Variants in PRKD1 observed in about 807,000 individuals in gnomAD.
PRKD1 encodes serine/threonine-protein kinase D1.
Under a neutral mutation model 95.9 loss-of-function variants are expected in PRKD1, and 63 were observed. The observed-to-expected ratio is 0.66, with a 90% CI of 0.54 to 0.81. The LOEUF (loss-of-function observed/expected upper bound fraction) is 0.81, where lower values mean the gene tolerates loss of function less well. Among genes scored for constraint, PRKD1 ranks in the 30% least tolerant of loss-of-function variants. PRKD1 has a pLI of 0.00. For synonymous variants in PRKD1, 425 were observed against 423.1 expected (o/e 1.00, Z -0.05); for missense variants, 1,048 against 1,165.3 (o/e 0.90, Z 1.47).
At chr14:29,718,215 A>G (rs1885720854) in intron 2 of PRKD1, among the ~76,000 whole-genome samples, 1 of 152,124 alleles carries the variant, frequency 6.6e-6, no homozygotes, top group Non-Finnish European at 1.5e-5. Flanking sequence ...GAGGCAGGGA[A>G]GTGGTTAAAT....
chr14:29,670,326 C>A (rs1395285831), intron 2 of PRKD1, among the ~76,000 whole-genome samples: 1 of 152,050 alleles, frequency 6.6e-6, no homozygotes, highest in African/African-American at 2.4e-5. Context: ...AGGGATGGAA[C>A]AGAAGACAAA....
At chr14:29,656,353 C>T (rs1881836249) in intron 4 of PRKD1, 1 of 1,092,022 alleles carries the variant, frequency 9.2e-7, no homozygotes, top group Non-Finnish European at 1.3e-6. Flanking sequence ...GAATTTTGAG[C>T]TAAACTCTGA....
At chr14:29,719,380 CA>C (rs1376609219) in intron 2 of PRKD1, among the ~76,000 whole-genome samples, 13 of 152,266 alleles carry the variant, frequency 8.5e-5, no homozygotes, top group African/African-American at 2.4e-4. Context: ...TGGTCTATGA[CA>C]AACATCATCT....
At chr14:29,823,156 C>T (rs1890982443) in intron 1 of PRKD1, among the ~76,000 whole-genome samples, 1 of 152,038 alleles carries the variant, frequency 6.6e-6, no homozygotes. Context: ...CACTGAGTAC[C>T]CATAGGCACT....
At position 29,836,596 on chromosome 14, in the gene PRKD1, G is replaced by A. The variant is rs867737999; in HGVS notation, c.264+90653C>T. Among the ~76,000 whole-genome samples, 4 of 152,286 alleles carry A rather than the reference G, an allele frequency of 2.6e-5. 1 individual carries two copies. The Middle Eastern group carries it at 0.01, about 388-fold the overall frequency. On this transcript the variant is annotated intron_variant, in intron 1 of 17. Coordinates refer to ENST00000331968, the MANE Select transcript of PRKD1 (RefSeq NM_002742.3). ...GAGTAGTTCGTGTGAGTAGGCAGTG[G>A]GAACTACAACTGCTGAGAAACTGCA...
chr14:29,650,044 G>T (rs8011327), intron 4 of PRKD1, among the ~76,000 whole-genome samples: 3,325 of 152,168 alleles, frequency 0.022, 108 homozygotes, highest in African/African-American at 0.071. Flanking sequence ...GGTTGGGGTA[G>T]CGAGCCACTC....
At chr14:29,693,928 T>C (rs946587322) in intron 2 of PRKD1, among the ~76,000 whole-genome samples, 2 of 152,186 alleles carry the variant, frequency 1.3e-5, no homozygotes, top group Non-Finnish European at 2.9e-5. Context: ...ATCCGCCTCC[T>C]ACTGGTCTTA....
intron 1 of PRKD1, among the ~76,000 whole-genome samples, chr14:29,731,021 A>G (rs1482377506): frequency 6.6e-6 from 1 of 152,170 alleles, no homozygotes; most frequent in Admixed American, 6.5e-5. Context: ...TACCACAAAA[A>G]AAAGGTAAGT....
chr14:29,689,065 C>T (rs191185410), intron 2 of PRKD1, among the ~76,000 whole-genome samples: 9 of 149,300 alleles, frequency 6.0e-5, no homozygotes, highest in South Asian at 4.2e-4. Flanking sequence ...AAAGATTTTA[C>T]AATGAAAATG....
chr14:29,603,452 C>T (rs1017091580), intron 13 of PRKD1, among the ~76,000 whole-genome samples: 56 of 152,116 alleles, frequency 3.7e-4, no homozygotes, highest in Non-Finnish European at 1.8e-4. Flanking sequence ...ACTTCTTATA[C>T]TGCACTGATA....
chr14:29,626,418 A>G (rs1879624653), intron 12 of PRKD1, 66 bp downstream of exon 12: 9 of 1,260,654 alleles, frequency 7.1e-6, no homozygotes, highest in Non-Finnish European at 1.0e-5. Context: ...TCCTGTAAAT[A>G]TCGCTTTTTA....
At chr14:29,756,152 G>A (rs528277828) in intron 1 of PRKD1, among the ~76,000 whole-genome samples, 1 of 152,200 alleles carries the variant, frequency 6.6e-6, no homozygotes, top group South Asian at 2.1e-4. Context: ...TGAGTTTCCA[G>A]AACATATGAT....
intron 16 of PRKD1, chr14:29,591,017 TCCGCC>T (rs993382790): frequency 2.0e-4 from 30 of 152,378 alleles, no homozygotes; most frequent in African/African-American, 7.2e-4. Context: ...CCTCAGGTGA[TCCGCC>T]CACCTTGGCC....
intron 1 of PRKD1, among the ~76,000 whole-genome samples, chr14:29,757,880 G>A (rs1887784820): frequency 6.6e-6 from 1 of 151,980 alleles, no homozygotes; most frequent in Non-Finnish European, 1.5e-5. Flanking sequence ...ATTTGATATG[G>A]AGGGTGTAAT....
intron 2 of PRKD1, among the ~76,000 whole-genome samples, chr14:29,718,999 A>G (rs1468972001): frequency 6.6e-6 from 1 of 151,980 alleles, no homozygotes; most frequent in African/African-American, 2.4e-5. Context: ...AAGACAAATT[A>G]ATATAATATT....
intron 2 of PRKD1, among the ~76,000 whole-genome samples, chr14:29,722,524 C>A (rs981512065): frequency 6.6e-6 from 1 of 152,134 alleles, no homozygotes; most frequent in African/African-American, 2.4e-5. Flanking sequence ...TACAACAAAT[C>A]GATATTTTTA....
chr14:29,644,240 G>A (rs975265508), intron 4 of PRKD1, among the ~76,000 whole-genome samples: 1 of 152,180 alleles, frequency 6.6e-6, no homozygotes, highest in Non-Finnish European at 1.5e-5. Context: ...GGGACACCTG[G>A]TTAAGGAATA....
intron 1 of PRKD1, among the ~76,000 whole-genome samples, chr14:29,742,530 G>T (rs1887024782): frequency 6.6e-6 from 1 of 152,014 alleles, no homozygotes; most frequent in Non-Finnish European, 1.5e-5. Context: ...TCTCTTAAAG[G>T]CAGATATAAT....
chr14:29,892,147 C>T (rs1893958723), intron 1 of PRKD1, among the ~76,000 whole-genome samples: 1 of 152,132 alleles, frequency 6.6e-6, no homozygotes, highest in African/African-American at 2.4e-5. Context: ...GTTTTTCCTA[C>T]AAACAGTTCT....
Sources: gnomAD v4.1 joint callset for allele counts (sites outside exome capture counted in the v4.1 genomes callset) on GRCh38, gnomAD v4.1.1 for gene constraint, MANE v1.5 for transcripts, NCBI Gene and HGNC (gene_info 2026-07-23, HGNC 2026-07-21) for gene names.